The following HMBOX1 variants were observed in gnomAD, a reference collection of about 807,000 sequenced individuals.
HMBOX1 encodes the protein homeobox containing 1.
HMBOX1 carries 14 observed loss-of-function variants against 54.5 expected under a neutral mutation model. That is an observed-to-expected ratio of 0.26 (90% confidence interval 0.17 to 0.40). HMBOX1 has a LOEUF of 0.40. Ranked by LOEUF, HMBOX1 falls within the 10% of genes least tolerant of loss-of-function variation. The pLI is 1.00. For missense variants in HMBOX1, 332 were observed against 514.4 expected (o/e 0.65, Z 3.43); for synonymous variants, 160 against 181.0 (o/e 0.88, Z 0.93).
chr8:29,009,521 CTCT>C (rs1482526200), intron 5 of HMBOX1: 8 of 470,348 alleles, frequency 1.7e-5, no homozygotes, highest in South Asian at 9.2e-5. Flanking sequence ...GATTCCGTAT[CTCT>C]TTTTTTTTTT....
At chr8:29,005,723 C>A (rs1484661539) in intron 4 of HMBOX1, among the ~76,000 whole-genome samples, 5 of 152,174 alleles carry the variant, frequency 3.3e-5, no homozygotes, top group Non-Finnish European at 5.9e-5. Flanking sequence ...AACTCCCAGG[C>A]AGAAACCTTC....
chr8:28,971,391 G>A (rs1043887966), intron 3 of HMBOX1, among the ~76,000 whole-genome samples: 2 of 151,928 alleles, frequency 1.3e-5, no homozygotes, highest in East Asian at 1.9e-4. Flanking sequence ...GCACCCAGCC[G>A]AAAAGAAATC....
intron 6 of HMBOX1, among the ~76,000 whole-genome samples, chr8:29,044,696 C>G (rs985275101): frequency 6.6e-6 from 1 of 151,998 alleles, no homozygotes; most frequent in Admixed American, 6.6e-5. Flanking sequence ...TGGTATAATA[C>G]CAATATTGAA....
chr8:28,960,634 A>G (rs912364679), intron 1 of HMBOX1, among the ~76,000 whole-genome samples: 18 of 151,500 alleles, frequency 1.2e-4, no homozygotes, highest in African/African-American at 4.1e-4. Context: ...AAAAAAAATT[A>G]TTAAAGTAGT....
intron 1 of HMBOX1, among the ~76,000 whole-genome samples, chr8:28,908,037 G>A (rs1814682559): frequency 6.6e-6 from 1 of 151,972 alleles, no homozygotes; most frequent in African/African-American, 2.4e-5. Flanking sequence ...ATTTTTTGTA[G>A]AGATGAGATT....
At chr8:29,009,500 T>G (rs1833927813) in intron 5 of HMBOX1, 3 of 861,622 alleles carry the variant, frequency 3.5e-6, no homozygotes, top group Non-Finnish European at 4.2e-6. Flanking sequence ...TTCAACTACA[T>G]AACTACGTAA....
At chr8:28,997,131 C>G (rs758020262) in intron 4 of HMBOX1, among the ~76,000 whole-genome samples, 13 of 152,140 alleles carry the variant, frequency 8.5e-5, no homozygotes, top group Non-Finnish European at 1.9e-4. Context: ...GCTAGAACCT[C>G]TAATACAATG....
At chr8:28,910,718 G>A (rs1394974791) in intron 1 of HMBOX1, among the ~76,000 whole-genome samples, 1 of 152,080 alleles carries the variant, frequency 6.6e-6, no homozygotes, top group Non-Finnish European at 1.5e-5. Flanking sequence ...TAGTTGGGTT[G>A]TCATCATATT....
rs71551611 is a variant in HMBOX1 at position 28,934,926 on chromosome 8, C to CAA, written c.-57-28869_-57-28868dup. ...TGGGCGACAGAGCGAGACTCCGTCTCAAAAAAAAAAAAAAAAATCATAAAT... is the reference window on the plus strand; with the variant it reads ...TGGGCGACAGAGCGAGACTCCGTCTCAAAAAAAAAAAAAAAAAAATCATAAAT... On this transcript the variant is annotated intron_variant, in intron 1 of 9. Coordinates refer to ENST00000287701, the MANE Select transcript of HMBOX1 (RefSeq NM_001135726.3). 7.5e-3 allele frequency among the ~76,000 whole-genome samples: 827 copies of CAA among 110,656 alleles called. 8 individuals carry two copies. Among genetic ancestry groups the CAA allele is most frequent in the Non-Finnish European group, 8.1e-3 (448 of 55,634 alleles). 72.6% of individuals were successfully genotyped at this position (110,656 alleles called of 152,430 possible).
At chr8:28,942,218 C>T (rs1416310571) in intron 1 of HMBOX1, among the ~76,000 whole-genome samples, 4 of 152,160 alleles carry the variant, frequency 2.6e-5, no homozygotes, top group African/African-American at 9.7e-5. Flanking sequence ...CGTAGTTCAG[C>T]GCAGTCTCCT....
intron 4 of HMBOX1, among the ~76,000 whole-genome samples, chr8:29,005,268 C>T (rs950330694): frequency 2.0e-5 from 3 of 152,042 alleles, no homozygotes; most frequent in Non-Finnish European, 4.4e-5. Context: ...GTAAAATAAC[C>T]AGTAAAGCTC....
chr8:28,984,036 G>A (rs976020305), intron 4 of HMBOX1, among the ~76,000 whole-genome samples: 5 of 152,208 alleles, frequency 3.3e-5, no homozygotes, highest in Non-Finnish European at 5.9e-5. Context: ...AGAATAGTGA[G>A]GTAGTAGAAC....
chr8:29,030,057 T>A (rs1352953816), intron 6 of HMBOX1, among the ~76,000 whole-genome samples: 1 of 152,072 alleles, frequency 6.6e-6, no homozygotes, highest in Non-Finnish European at 1.5e-5. Flanking sequence ...TCTTTTACAC[T>A]TACTTCTTTT....
intron 1 of HMBOX1, among the ~76,000 whole-genome samples, chr8:28,946,925 G>T (rs923332530): frequency 6.6e-6 from 1 of 152,128 alleles, no homozygotes; most frequent in Non-Finnish European, 1.5e-5. Context: ...TTGTCAGTAG[G>T]TATCTGAGGA....
At chr8:29,024,099 C>T (rs888577198) in intron 6 of HMBOX1, among the ~76,000 whole-genome samples, 4 of 152,170 alleles carry the variant, frequency 2.6e-5, no homozygotes, top group Non-Finnish European at 4.4e-5. Flanking sequence ...AACTTTCCCT[C>T]ATCAACAATT....
intron 1 of HMBOX1, among the ~76,000 whole-genome samples, chr8:28,933,266 A>AT (rs1325735280): frequency 6.6e-6 from 1 of 152,178 alleles, no homozygotes; most frequent in Non-Finnish European, 1.5e-5. Flanking sequence ...CAAGTCCATG[A>AT]TCTCTTGATC....
intron 3 of HMBOX1, among the ~76,000 whole-genome samples, chr8:28,973,636 G>A (rs372256624): frequency 7.2e-5 from 11 of 151,898 alleles, no homozygotes; most frequent in African/African-American, 2.7e-4. Context: ...AGTCTCTGGT[G>A]GGGGAGCCTG....
At chr8:28,937,342 C>T (rs1360414754) in intron 1 of HMBOX1, among the ~76,000 whole-genome samples, 1 of 152,114 alleles carries the variant, frequency 6.6e-6, no homozygotes, top group East Asian at 1.9e-4. Context: ...CTTATGTGTA[C>T]AACATTATTA....
At chr8:29,026,675 TC>T (rs1449327504) in intron 6 of HMBOX1, among the ~76,000 whole-genome samples, 3 of 152,180 alleles carry the variant, frequency 2.0e-5, no homozygotes, top group Admixed American at 1.3e-4. Flanking sequence ...ATAACTAACT[TC>T]CTAAGACCAC....
Sources: gnomAD v4.1 joint callset for allele counts (sites outside exome capture counted in the v4.1 genomes callset) on GRCh38, gnomAD v4.1.1 for gene constraint, MANE v1.5 for transcripts, NCBI Gene and HGNC (gene_info 2026-07-23, HGNC 2026-07-21) for gene names.